PTPRN2: variants seen among roughly 807,000 people sequenced by gnomAD.
The protein encoded by PTPRN2 is protein tyrosine phosphatase receptor type N2, also known as receptor-type tyrosine-protein phosphatase N2.
A neutral mutation model predicts 118.8 loss-of-function variants in PTPRN2; 74 were observed. The observed-to-expected ratio is 0.62, with a 90% confidence interval of 0.52 to 0.76. The LOEUF (loss-of-function observed/expected upper bound fraction) is 0.76, where lower values mean the gene tolerates loss of function less well. PTPRN2 is among the 30% of genes least tolerant of loss of function. The pLI is 0.00. For missense variants in PTPRN2, 1,481 were observed against 1,394.4 expected, an observed-to-expected ratio of 1.06 and a Z score of -0.99; for synonymous variants, 641 against 608.0, an observed-to-expected ratio of 1.05 and a Z score of -0.80.
chr7:158,073,919 C>T (rs956253285), intron 11 of PTPRN2, among the ~76,000 whole-genome samples: 6 of 152,188 alleles, frequency 3.9e-5, no homozygotes, highest in African/African-American at 1.2e-4. Flanking sequence ...CACAGCCCAG[C>T]GGCATCTTCA....
At chr7:158,143,334 C>T (rs1399036068) in intron 6 of PTPRN2, among the ~76,000 whole-genome samples, 1 of 152,178 alleles carries the variant, frequency 6.6e-6, no homozygotes, top group Non-Finnish European at 1.5e-5. Flanking sequence ...GCAGGAGGCA[C>T]CGGAGCCTGC....
At chr7:157,673,020 C>G (rs558435905) in intron 13 of PTPRN2, among the ~76,000 whole-genome samples, 4 of 152,168 alleles carry the variant, frequency 2.6e-5, no homozygotes, top group Non-Finnish European at 5.9e-5. Context: ...TCTAGTGAGT[C>G]TCTTGTACTT....
rs183448789 is a variant in PTPRN2 at position 158,414,017 on chromosome 7, G to A, written c.163+75718C>T. ...TGGGAGGCGGAGGTTGCAGTGAGCC[G>A]TGATCGTGCCACTGCACTTCAGCCT... is the stretch of plus-strand genomic sequence containing the variant. On this transcript the variant is annotated intron_variant, in intron 2 of 22. Coordinates refer to ENST00000389418, the MANE Select transcript of PTPRN2 (RefSeq NM_002847.5). 5.7e-3 allele frequency among the ~76,000 whole-genome samples: 846 copies of A among 147,882 alleles called. 5 individuals are homozygous for A. Among genetic ancestry groups the A allele is most frequent in the African/African-American group, 0.02 (776 of 39,736 alleles).
chr7:157,960,847 A>G (rs993182568), intron 11 of PTPRN2, among the ~76,000 whole-genome samples: 1 of 152,138 alleles, frequency 6.6e-6, no homozygotes, highest in Non-Finnish European at 1.5e-5. Flanking sequence ...TCTCTACTAA[A>G]AATACAAAAA....
chr7:158,182,565 C>T (rs1258592378), intron 5 of PTPRN2, among the ~76,000 whole-genome samples: 2 of 152,132 alleles, frequency 1.3e-5, no homozygotes, highest in African/African-American at 4.8e-5. Context: ...TATGTGAGAA[C>T]ATGCAGTGTT....
chr7:158,261,526 G>A (rs1797396421), intron 3 of PTPRN2, among the ~76,000 whole-genome samples: 1 of 152,176 alleles, frequency 6.6e-6, no homozygotes, highest in African/African-American at 2.4e-5. Flanking sequence ...AGGTGAGAAG[G>A]GAAGGGATGG....
At chr7:157,809,492 C>T (rs755649947) in intron 12 of PTPRN2, among the ~76,000 whole-genome samples, 1 of 152,138 alleles carries the variant, frequency 6.6e-6, no homozygotes, top group Non-Finnish European at 1.5e-5. Context: ...AACCGTTTCC[C>T]CAAAAAGACA....
intron 12 of PTPRN2, among the ~76,000 whole-genome samples, chr7:157,848,086 C>A (rs1284329265): frequency 1.4e-3 from 187 of 130,484 alleles, no homozygotes; most frequent in Admixed American, 1.2e-3. Context: ...TCATGGGTGC[C>A]GTATGTTTAC....
intron 1 of PTPRN2, among the ~76,000 whole-genome samples, chr7:158,500,945 G>A (rs1427015849): frequency 6.6e-6 from 1 of 152,238 alleles, no homozygotes; most frequent in Non-Finnish European, 1.5e-5. Context: ...TCAGGCAAGC[G>A]GCTTGCACAC....
chr7:158,471,228 C>G (rs1290315797), intron 2 of PTPRN2, among the ~76,000 whole-genome samples: 1 of 152,192 alleles, frequency 6.6e-6, no homozygotes, highest in Non-Finnish European at 1.5e-5. Flanking sequence ...TGGGGCTCTT[C>G]TTTGGAGGCA....
intron 13 of PTPRN2, among the ~76,000 whole-genome samples, chr7:157,668,076 C>T (rs1796232277): frequency 1.3e-5 from 2 of 152,264 alleles, no homozygotes; most frequent in African/African-American, 2.4e-5. Flanking sequence ...ACGGCACATT[C>T]GGACACCACA....
intron 6 of PTPRN2, among the ~76,000 whole-genome samples, chr7:158,157,671 G>A (rs1821952003): frequency 6.6e-6 from 1 of 152,230 alleles, no homozygotes; most frequent in Non-Finnish European, 1.5e-5. Flanking sequence ...ATCCACGTCA[G>A]GGTTGCTGAG....
intron 3 of PTPRN2, among the ~76,000 whole-genome samples, chr7:158,249,947 G>C (rs1796553986): frequency 6.6e-6 from 1 of 152,156 alleles, no homozygotes; most frequent in African/African-American, 2.4e-5. Flanking sequence ...ATGCAAGTGA[G>C]AGAACACGTG....
chr7:157,969,319 A>T (rs749733442), intron 11 of PTPRN2, among the ~76,000 whole-genome samples: 1 of 152,268 alleles, frequency 6.6e-6, no homozygotes, highest in African/African-American at 2.4e-5. Context: ...CATGTTGCCC[A>T]GGCTGGTCTC....
chr7:158,436,984 C>T (rs1816615697), intron 2 of PTPRN2, among the ~76,000 whole-genome samples: 2 of 152,096 alleles, frequency 1.3e-5, no homozygotes, highest in African/African-American at 2.4e-5. Flanking sequence ...AAAATCCAAG[C>T]TTTGGTGTCT....
At chr7:157,762,806 T>C (rs1802221138) in intron 12 of PTPRN2, among the ~76,000 whole-genome samples, 1 of 151,694 alleles carries the variant, frequency 6.6e-6, no homozygotes, top group South Asian at 2.1e-4. Flanking sequence ...GGTGGGAGCA[T>C]GGTGGCCCCA....
At chr7:158,328,782 G>A (rs866169213) in intron 2 of PTPRN2, among the ~76,000 whole-genome samples, 7 of 129,142 alleles carry the variant, frequency 5.4e-5, no homozygotes, top group South Asian at 5.2e-4. Context: ...CACTAGGAGC[G>A]GGGCCTCCAT....
intron 12 of PTPRN2, among the ~76,000 whole-genome samples, chr7:157,850,253 T>C (rs1462623023): frequency 2.7e-5 from 4 of 146,144 alleles, no homozygotes; most frequent in Non-Finnish European, 6.1e-5. Context: ...ACATAAGGGA[T>C]CCCAGGTCTC....
intron 3 of PTPRN2, among the ~76,000 whole-genome samples, chr7:158,311,463 T>A (rs1042582289): frequency 4.0e-5 from 6 of 151,722 alleles, no homozygotes; most frequent in Admixed American, 6.6e-5. Context: ...GAAATGTATT[T>A]AAAAAAAAAT....
Sources: gnomAD v4.1 joint callset for allele counts (sites outside exome capture counted in the v4.1 genomes callset) on GRCh38, gnomAD v4.1.1 for gene constraint, MANE v1.5 for transcripts, NCBI Gene and HGNC (gene_info 2026-07-23, HGNC 2026-07-21) for gene names.